AUTS2: variants seen among roughly 807,000 people sequenced by gnomAD.
AUTS2 encodes the protein autism susceptibility gene 2 protein.
In AUTS2, 17 loss-of-function variants were observed where a neutral mutation model predicts 112.4. The observed-to-expected ratio is 0.15, with a 90% CI of 0.10 to 0.23. The LOEUF is 0.23. Among genes scored for constraint, AUTS2 ranks in the 10% least tolerant of loss-of-function variants. AUTS2 has a pLI of 1.00. For synonymous variants in AUTS2, 751 were observed against 702.7 expected (o/e 1.07, Z -1.09); for missense variants, 1,510 against 1,701.6 (o/e 0.89, Z 1.98).
rs1554412731 is a variant in AUTS2 at position 70,496,026 on chromosome 7, C to CCA, written c.690+60252_690+60253dup. 7.7e-5 allele frequency among the ~76,000 whole-genome samples: 7 copies of CCA among 91,292 alleles called. 1 individual carries two copies. In the East Asian group the frequency reaches 9.6e-4, roughly 12 times the overall value. The allele number at this position is 91,292 out of a possible 152,430, so 59.9% of individuals were successfully genotyped here. ...ACACAGTCACACACACACACCCCCC[C>CCA]CACACACATGCACACGTCACATCAG... is the stretch of plus-strand genomic sequence containing the variant. On this transcript the variant is annotated intron_variant, in intron 5 of 18. Coordinates refer to ENST00000342771, the MANE Select transcript of AUTS2 (RefSeq NM_015570.4).
chr7:70,321,098 T>C (rs549500134), intron 4 of AUTS2, among the ~76,000 whole-genome samples: 4 of 152,360 alleles, frequency 2.6e-5, no homozygotes, highest in Admixed American at 6.5e-5. Context: ...ACCCATGTTA[T>C]CATGTTTAAT....
intron 2 of AUTS2, among the ~76,000 whole-genome samples, chr7:69,989,911 G>A (rs1798672654): frequency 6.6e-6 from 1 of 152,100 alleles, no homozygotes; most frequent in Non-Finnish European, 1.5e-5. Flanking sequence ...GAGGGATCTA[G>A]GTTGCCTGCT....
At position 70,529,952 on chromosome 7, in the gene AUTS2, T is replaced by G. The variant is rs148412446; in HGVS notation, c.690+94171T>G. Among the ~76,000 whole-genome samples, 359 of 152,322 alleles carry G rather than the reference T, an allele frequency of 2.4e-3. 1 individual carries two copies. Among genetic ancestry groups the G allele is most frequent in the African/African-American group, 8.3e-3 (345 of 41,580 alleles). Reference sequence around the variant, plus strand: ...GGGGAAAAATATGTTCTGGAAAAGATAAACAGTAGCTTGCAGTTTCACTGT... The same window carrying G: ...GGGGAAAAATATGTTCTGGAAAAGAGAAACAGTAGCTTGCAGTTTCACTGT... On this transcript the variant is annotated intron_variant, in intron 5 of 18. Transcript: ENST00000342771.
chr7:70,376,732 G>T (rs1288960078), intron 4 of AUTS2, among the ~76,000 whole-genome samples: 1 of 148,728 alleles, frequency 6.7e-6, no homozygotes, highest in South Asian at 2.2e-4. Flanking sequence ...CCTTTATCTC[G>T]AATGCAGTTC....
At chr7:69,610,967 A>G (rs1225224435) in intron 1 of AUTS2, among the ~76,000 whole-genome samples, 1 of 152,240 alleles carries the variant, frequency 6.6e-6, no homozygotes, top group Non-Finnish European at 1.5e-5. Context: ...GCTTTAATCA[A>G]AACATCTAAT....
At chr7:69,907,225 A>G (rs893329179) in intron 2 of AUTS2, among the ~76,000 whole-genome samples, 3 of 152,042 alleles carry the variant, frequency 2.0e-5, no homozygotes, top group Admixed American at 1.3e-4. Context: ...AATGTATACA[A>G]CTGTGTGAGG....
At chr7:70,543,230 G>A (rs1334257462) in intron 5 of AUTS2, among the ~76,000 whole-genome samples, 1 of 152,138 alleles carries the variant, frequency 6.6e-6, no homozygotes, top group East Asian at 1.9e-4. Context: ...GGAAGGGTGT[G>A]GTGGCTAATG....
At position 70,790,452 on chromosome 7, in the gene AUTS2, A is replaced by G. The variant is rs1791845152; in HGVS notation, c.3236A>G (p.Tyr1079Cys). ...ATCCGGGACCCCTTGAGGGATCCTTACCGAGAACTTGACATTCACCGGAGA... is the reference window on the plus strand; with the variant it reads ...ATCCGGGACCCCTTGAGGGATCCTTGCCGAGAACTTGACATTCACCGGAGA... ...DPIRDPLRDP[Y>C]RELDIHRRDP... Residue 1079 changes from tyrosine (Y) to cysteine (C), a missense_variant, in exon 19 of 19, where the codon TAC becomes TGC. Tyr to Cys is a radical substitution (Grantham distance 194). Coordinates refer to ENST00000342771, the MANE Select transcript of AUTS2 (RefSeq NM_015570.4). The surrounding 1 kb of genome is among the most constrained non-coding windows in gnomAD (Gnocchi z 7.6). 6.2e-7 allele frequency: 1 copy of G among 1,612,280 alleles called. No individual in the cohort carries two copies. Among genetic ancestry groups the G allele is most frequent in the Non-Finnish European group, 8.5e-7 (1 of 1,179,128 alleles).
chr7:70,002,374 C>G (rs1799238376), intron 2 of AUTS2, among the ~76,000 whole-genome samples: 1 of 152,082 alleles, frequency 6.6e-6, no homozygotes, highest in Non-Finnish European at 1.5e-5. Context: ...AATTTTATTT[C>G]ACTCTAGAGA....
chr7:70,562,597 T>C (rs963621229), intron 5 of AUTS2, among the ~76,000 whole-genome samples: 1 of 152,190 alleles, frequency 6.6e-6, no homozygotes, highest in Non-Finnish European at 1.5e-5. Context: ...CATGATTCCA[T>C]GTCCACAGGT....
At chr7:70,203,153 AT>A (rs1456684066) in intron 4 of AUTS2, among the ~76,000 whole-genome samples, 1 of 129,318 alleles carries the variant, frequency 7.7e-6, no homozygotes, top group African/African-American at 3.0e-5. Flanking sequence ...ATGAGATCAC[AT>A]GGACACAGGA....
At chr7:70,060,440 C>T (rs1243167718) in intron 2 of AUTS2, among the ~76,000 whole-genome samples, 2 of 152,176 alleles carry the variant, frequency 1.3e-5, no homozygotes, top group Non-Finnish European at 2.9e-5. Flanking sequence ...CCCAGAAGTC[C>T]TGTGGGCGGG....
At chr7:70,314,119 T>C (rs1301625457) in intron 4 of AUTS2, among the ~76,000 whole-genome samples, 1 of 152,212 alleles carries the variant, frequency 6.6e-6, no homozygotes, top group African/African-American at 2.4e-5. Flanking sequence ...TGTAGCCCCT[T>C]GGCTCCCAAG....
At chr7:69,880,212 C>T (rs1226849435) in intron 1 of AUTS2, among the ~76,000 whole-genome samples, 4 of 152,070 alleles carry the variant, frequency 2.6e-5, no homozygotes, top group Non-Finnish European at 4.4e-5. Flanking sequence ...AACTAGATCT[C>T]GTGAGAGCTC....
intron 5 of AUTS2, among the ~76,000 whole-genome samples, chr7:70,586,073 G>C (rs934191677): frequency 3.3e-5 from 5 of 152,020 alleles, no homozygotes; most frequent in Non-Finnish European, 5.9e-5. Context: ...TTGTTGGCCA[G>C]GCTGGTCTCG....
intron 5 of AUTS2, among the ~76,000 whole-genome samples, chr7:70,626,072 C>T (rs1243845085): frequency 6.6e-6 from 1 of 151,896 alleles, no homozygotes; most frequent in Admixed American, 6.6e-5. Context: ...ACTACCACAC[C>T]CAGCTAATTT....
intron 5 of AUTS2, among the ~76,000 whole-genome samples, chr7:70,624,701 A>T (rs1804847112): frequency 6.6e-6 from 1 of 152,198 alleles, no homozygotes; most frequent in Non-Finnish European, 1.5e-5. Flanking sequence ...TAAGGTAGAG[A>T]AACACTGTGC....
At chr7:70,430,036 G>C (rs919568900) in intron 4 of AUTS2, among the ~76,000 whole-genome samples, 2 of 152,198 alleles carry the variant, frequency 1.3e-5, no homozygotes, top group Non-Finnish European at 2.9e-5. Flanking sequence ...AGAGAGCATA[G>C]ACCTTGGAAA....
At chr7:70,607,475 G>A (rs1803844649) in intron 5 of AUTS2, among the ~76,000 whole-genome samples, 1 of 152,122 alleles carries the variant, frequency 6.6e-6, no homozygotes, top group Non-Finnish European at 1.5e-5. Flanking sequence ...CAAGAAGCAA[G>A]ACAACTCACG....
Sources: allele counts gnomAD v4.1 joint callset (sites outside exome capture counted in the v4.1 genomes callset), GRCh38; gene constraint gnomAD v4.1.1; non-coding constraint Gnocchi (gnomAD v3.1); transcripts MANE v1.5; gene names NCBI Gene and HGNC (gene_info 2026-07-23, HGNC 2026-07-21).